ZNF385B: variants seen among roughly 807,000 people sequenced by gnomAD.
ZNF385B encodes zinc finger protein 533.
ZNF385B carries 23 observed loss-of-function variants against 39.2 expected under a neutral mutation model. The ratio of observed to expected loss-of-function variants is 0.59; its 90% CI spans 0.42 to 0.83. ZNF385B has a LOEUF of 0.83. Among genes scored for constraint, ZNF385B ranks in the 40% least tolerant of loss-of-function variants. The probability of loss-of-function intolerance (pLI) is 0.00; values close to 1 mark genes in which losing one functional copy is unlikely to be tolerated. For missense variants in ZNF385B, 552 were observed against 598.9 expected (o/e 0.92, Z 0.82); for synonymous variants, 205 against 222.6 (o/e 0.92, Z 0.70).
At chr2:179,735,022 T>C (rs1221809556) in intron 3 of ZNF385B, among the ~76,000 whole-genome samples, 1 of 151,708 alleles carries the variant, frequency 6.6e-6, no homozygotes, top group African/African-American at 2.4e-5. Flanking sequence ...AAAGCCAAAA[T>C]TGACAAATGG....
intron 1 of ZNF385B, among the ~76,000 whole-genome samples, chr2:179,832,095 C>T (rs1453249520): frequency 6.6e-6 from 1 of 152,282 alleles, no homozygotes; most frequent in African/African-American, 2.4e-5. Context: ...CAGTAGCAAG[C>T]ACAGCAGTCA....
At chr2:179,466,943 A>AAAAAG (rs1559276782) in intron 6 of ZNF385B, among the ~76,000 whole-genome samples, 4 of 145,912 alleles carry the variant, frequency 2.7e-5, no homozygotes, top group Non-Finnish European at 4.5e-5. Flanking sequence ...AAAAAAAAAA[A>AAAAAG]AGAGAGAGAG....
intron 1 of ZNF385B, among the ~76,000 whole-genome samples, chr2:179,775,852 CTG>C (rs1559184288): frequency 6.6e-6 from 1 of 152,252 alleles, no homozygotes; most frequent in Non-Finnish European, 1.5e-5. Flanking sequence ...GTTGTCTTCA[CTG>C]TGACACAGCT....
intron 1 of ZNF385B, among the ~76,000 whole-genome samples, chr2:179,800,623 C>T (rs1256592723): frequency 6.6e-6 from 1 of 152,046 alleles, no homozygotes; most frequent in Non-Finnish European, 1.5e-5. Context: ...GCTGCCAATA[C>T]TTGTATATCT....
At chr2:179,807,166 A>G (rs186526369) in intron 1 of ZNF385B, among the ~76,000 whole-genome samples, 37 of 152,328 alleles carry the variant, frequency 2.4e-4, no homozygotes, top group Non-Finnish European at 4.9e-4. Flanking sequence ...ATTTATATAA[A>G]TGTCTATAAG....
intron 3 of ZNF385B, among the ~76,000 whole-genome samples, chr2:179,677,502 G>A (rs1432154464): frequency 6.6e-6 from 1 of 152,230 alleles, no homozygotes; most frequent in Non-Finnish European, 1.5e-5. Context: ...AAGTTGTTGT[G>A]AGAAGCTTTA....
At chr2:179,662,047 T>C (rs534245838) in intron 3 of ZNF385B, among the ~76,000 whole-genome samples, 1 of 152,300 alleles carries the variant, frequency 6.6e-6, no homozygotes, top group South Asian at 2.1e-4. Context: ...TAAGCCAGCA[T>C]ATAAACAGGT....
chr2:179,834,995 A>T (rs1708171256), intron 1 of ZNF385B, among the ~76,000 whole-genome samples: 2 of 152,170 alleles, frequency 1.3e-5, no homozygotes. Context: ...AGGAACAAAG[A>T]AGGCTGGGGG....
At chr2:179,834,538 C>A (rs546703173) in intron 1 of ZNF385B, among the ~76,000 whole-genome samples, 1 of 151,840 alleles carries the variant, frequency 6.6e-6, no homozygotes. Flanking sequence ...AAACGAAAGA[C>A]GGGGGGAAAG....
At chr2:179,463,215 A>G (rs1157486678) in intron 6 of ZNF385B, among the ~76,000 whole-genome samples, 1 of 151,960 alleles carries the variant, frequency 6.6e-6, no homozygotes, top group Non-Finnish European at 1.5e-5. Flanking sequence ...CTTATGAGCT[A>G]ATGTCTGGTC....
At chr2:179,593,073 C>A (rs1558956398) in intron 3 of ZNF385B, among the ~76,000 whole-genome samples, 1 of 152,142 alleles carries the variant, frequency 6.6e-6, no homozygotes, top group East Asian at 1.9e-4. Context: ...AGAATTTTCC[C>A]CAAACATTAA....
At chr2:179,713,632 G>A (rs940590450) in intron 3 of ZNF385B, among the ~76,000 whole-genome samples, 19 of 152,128 alleles carry the variant, frequency 1.2e-4, no homozygotes, top group African/African-American at 4.6e-4. Context: ...AGCTCCATCA[G>A]GGCAAGGTCC....
At chr2:179,565,424 C>T (rs1365811146) in intron 3 of ZNF385B, among the ~76,000 whole-genome samples, 2 of 152,204 alleles carry the variant, frequency 1.3e-5, no homozygotes, top group Non-Finnish European at 2.9e-5. Context: ...ATTATTATTA[C>T]CATCACCACA....
At chr2:179,749,221 T>C (rs1468634589) in intron 3 of ZNF385B, among the ~76,000 whole-genome samples, 2 of 151,980 alleles carry the variant, frequency 1.3e-5, no homozygotes, top group African/African-American at 2.4e-5. Flanking sequence ...GTCCATTAAA[T>C]AATAGATAAA....
chr2:179,713,428 A>T (rs1247629884), intron 3 of ZNF385B, among the ~76,000 whole-genome samples: 5 of 152,036 alleles, frequency 3.3e-5, no homozygotes, highest in Admixed American at 2.6e-4. Context: ...TCTTTTTTCA[A>T]CTAGTTAGCT....
At chr2:179,765,443 A>G (rs1226459832) in intron 3 of ZNF385B, among the ~76,000 whole-genome samples, 1 of 152,200 alleles carries the variant, frequency 6.6e-6, no homozygotes, top group Non-Finnish European at 1.5e-5. Flanking sequence ...TCCAGGGCTC[A>G]GGTAGCAGTG....
At position 179,852,751 on chromosome 2, in the gene ZNF385B, T is replaced by C. The variant is rs545886043; in HGVS notation, c.-155+8350A>G. Reference sequence around the variant, plus strand: ...AGTGTGGTCTGTCGATCACCCGGGATACTTACTTAGATTACTGGGTCCTGC... The same window carrying C: ...AGTGTGGTCTGTCGATCACCCGGGACACTTACTTAGATTACTGGGTCCTGC... On this transcript the variant is annotated intron_variant, in intron 1 of 9. Coordinates refer to ENST00000410066, the MANE Select transcript of ZNF385B (RefSeq NM_152520.6). Among the ~76,000 whole-genome samples the C allele has an allele frequency of 3.3e-5, 5 of 152,294 alleles. No individual in the cohort carries two copies. In the South Asian group the frequency reaches 8.3e-4, roughly 25 times the overall value.
At chr2:179,460,888 C>T (rs944431101) in intron 6 of ZNF385B, among the ~76,000 whole-genome samples, 4 of 152,316 alleles carry the variant, frequency 2.6e-5, no homozygotes, top group Admixed American at 6.5e-5. Flanking sequence ...TAATTACTCC[C>T]ATCCTCTCAC....
At chr2:179,712,100 T>C (rs1263471486) in intron 3 of ZNF385B, among the ~76,000 whole-genome samples, 2 of 152,068 alleles carry the variant, frequency 1.3e-5, no homozygotes, top group African/African-American at 4.8e-5. Flanking sequence ...TGATACACTA[T>C]CTTTGGTCAA....
Sources: allele counts gnomAD v4.1 joint callset (sites outside exome capture counted in the v4.1 genomes callset), GRCh38; gene constraint gnomAD v4.1.1; transcripts MANE v1.5; gene names NCBI Gene and HGNC (gene_info 2026-07-23, HGNC 2026-07-21).